Variants in NOTCH2 observed in about 807,000 individuals in gnomAD.
The protein encoded by NOTCH2 is notch receptor 2, also known as neurogenic locus notch homolog protein 2.
NOTCH2 carries 29 observed loss-of-function variants against 235.8 expected under a neutral mutation model. The observed-to-expected ratio is 0.12, with a 90% CI of 0.09 to 0.17. NOTCH2 has a LOEUF of 0.17. Ranked by LOEUF, NOTCH2 falls within the 10% of genes least tolerant of loss-of-function variation. The pLI is 1.00. For missense variants in NOTCH2, 2,285 were observed against 3,150.2 expected (o/e 0.73, Z 6.57); for synonymous variants, 1,086 against 1,141.5 (o/e 0.95, Z 0.98).
chr1:119,953,547 A>T lies in NOTCH2; in HGVS notation c.2361T>A (p.Phe787Leu). The change falls in exon 14 of 34, where the codon TTT becomes TTA. Residue 787 changes from phenylalanine (F) to leucine (L), a missense_variant. Physicochemically the swap from Phe to Leu is conservative, Grantham distance 22. Around this residue, in one of 6 missense-constraint regions of NOTCH2, gnomAD observed 1,173 missense variants for 1,515.3 expected, o/e 0.77. Transcript: ENST00000256646. Reference protein sequence around the residue: ...NGYRCTCKKGFKGYNCQVNID... With the variant: ...NGYRCTCKKGLKGYNCQVNID... ...AAGATGTACTTTTGTTTTCACCTTT[A>T]AAGCCCTTCTTGCAAGTACACCTGT... 1 of 1,614,140 alleles carries T rather than the reference A, an allele frequency of 6.2e-7. No homozygotes were observed.
intron 17 of NOTCH2, 120 bp downstream of exon 17, chr1:119,948,294 G>C (rs587641514): frequency 3.8e-6 from 4 of 1,042,020 alleles, no homozygotes; most frequent in East Asian, 4.8e-5. Flanking sequence ...AAATATGCTG[G>C]ATAAATGACC....
intron 23 of NOTCH2, among the ~76,000 whole-genome samples, chr1:119,927,489 G>C (rs1353112454): frequency 6.6e-6 from 1 of 152,132 alleles, no homozygotes; most frequent in African/African-American, 2.4e-5. Flanking sequence ...CTCTGCAACA[G>C]CATCCCACAA....
intron 1 of NOTCH2, among the ~76,000 whole-genome samples, chr1:120,064,153 G>A (rs1553216674): frequency 1.3e-5 from 2 of 151,816 alleles, no homozygotes; most frequent in African/African-American, 4.8e-5. Context: ...CTGAATATAA[G>A]AAGATCTTTC....
intron 5 of NOTCH2, among the ~76,000 whole-genome samples, chr1:119,983,422 G>C (rs1553201892): frequency 6.6e-6 from 1 of 151,970 alleles, no homozygotes; most frequent in African/African-American, 2.4e-5. Context: ...CAAAGTGCTG[G>C]GATTAGAGGC....
intron 15 of NOTCH2, 39 bp from the exon 16 acceptor site, chr1:119,949,165 G>GT: frequency 6.2e-7 from 1 of 1,612,902 alleles, no homozygotes; most frequent in Non-Finnish European, 8.5e-7. Flanking sequence ...AGATAAACAG[G>GT]TAAGAAAACG....
Position 120,035,455 on chromosome 1 carries a change from T to G in NOTCH2, c.74-5468A>C, listed in dbSNP as rs587719422. Among the ~76,000 whole-genome samples the G allele has an allele frequency of 1.7e-3, 253 of 152,238 alleles. 2 individuals carry two copies. Among genetic ancestry groups the G allele is most frequent in the African/African-American group, 5.8e-3 (241 of 41,504 alleles). ...CCTGCCCAGTATTACTCCCCACCAC[T>G]TCCACTGCATTCTCTGCCCAGTTTA... On this transcript the variant is annotated intron_variant, in intron 1 of 33. Coordinates refer to ENST00000256646, the MANE Select transcript of NOTCH2 (RefSeq NM_024408.4).
chr1:119,915,584 C>G lies in NOTCH2; in HGVS notation c.7138G>C (p.Val2380Leu). The G allele has an allele frequency of 6.2e-7, 1 of 1,614,004 alleles. No individual in the cohort carries two copies. The highest frequency in any genetic ancestry group is 8.5e-7 in the Non-Finnish European group (1 of 1,180,034). ...LPAYHPFPAS[V>L]GKYPTPPSQH... ...GAAGGGGGTGTGGGGTACTTGCCCA[C>G]AGAGGCTGGGAAAGGATGATAGGCT... The change falls in exon 34 of 34, where the codon GTG becomes CTG. Residue 2380 changes from valine (V) to leucine (L), a missense_variant. This residue lies in a region of NOTCH2 where 504 missense variants were observed against 538.0 expected (regional missense o/e 0.94). Transcript: ENST00000256646.
chr1:119,959,500 C>T lies in NOTCH2; in HGVS notation c.1918G>A (p.Val640Ile), dbSNP rs782463006. The T allele has an allele frequency of 2.6e-6, 4 of 1,554,208 alleles. No individual in the cohort carries two copies. In the African/African-American group the frequency reaches 4.1e-5, roughly 16 times the overall value. The change falls in exon 12 of 34, where the codon GTT becomes ATT. Residue 640 changes from valine (V) to isoleucine (I), a missense_variant and splice_region_variant. This residue lies in a region of NOTCH2 where 431 missense variants were observed against 757.8 expected (regional missense o/e 0.57). Transcript: ENST00000256646. ...QCNCQPGTSG[V>I]NCEINFDDCA... ...TCATCAAAATTAATTTCACAATTAA[C>T]CCCTGGAAGAGAAAACCCAACGGAA...
Position 120,023,979 on chromosome 1 carries a change from TA to T in NOTCH2, c.155+5926del, listed in dbSNP as rs1557851039. On this transcript the variant is annotated intron_variant, in intron 2 of 33. Coordinates refer to ENST00000256646, the MANE Select transcript of NOTCH2 (RefSeq NM_024408.4). The stretch of plus-strand genomic sequence containing the variant: ...ATGCAATAAATAACTCTTGAATTAA[TA>T]AAACCTGAACACATTACATTTTAAG... Among the ~76,000 whole-genome samples, 4 of 152,116 alleles carry T rather than the reference TA, an allele frequency of 2.6e-5. No individual in the cohort carries two copies. The South Asian group carries it at 8.3e-4, about 32-fold the overall frequency.
intron 25 of NOTCH2, among the ~76,000 whole-genome samples, chr1:119,925,058 G>A (rs1270669692): frequency 6.6e-6 from 1 of 152,200 alleles, no homozygotes; most frequent in African/African-American, 2.4e-5. Context: ...TATCCCCCAG[G>A]AGGTCACGAA....
At chr1:120,037,168 G>A (rs1412809621) in intron 1 of NOTCH2, among the ~76,000 whole-genome samples, 2 of 152,068 alleles carry the variant, frequency 1.3e-5, no homozygotes, top group Non-Finnish European at 2.9e-5. Context: ...TAGACCCACT[G>A]CTCAATCGGA....
chr1:119,957,844 A>C (rs1397124728), intron 12 of NOTCH2, among the ~76,000 whole-genome samples: 1 of 144,534 alleles, frequency 6.9e-6, no homozygotes, highest in African/African-American at 2.5e-5. Flanking sequence ...ACACACACAC[A>C]CACACACACA....
intron 11 of NOTCH2, 80 bp from the exon 12 acceptor site, chr1:119,959,582 G>T (rs1650859186): frequency 3.7e-6 from 3 of 820,074 alleles, no homozygotes; most frequent in Non-Finnish European, 6.4e-6. Context: ...GCAGCAACGT[G>T]GTAAGAAATC....
At chr1:119,937,782 AT>A (rs1553195937) in intron 20 of NOTCH2, 74 bp downstream of exon 20, 1 of 1,570,030 alleles carries the variant, frequency 6.4e-7, no homozygotes, top group African/African-American at 1.4e-5. Context: ...CCACAAAAAA[AT>A]GATACCTTCT....
intron 2 of NOTCH2, among the ~76,000 whole-genome samples, chr1:120,017,857 C>T (rs587613852): frequency 4.6e-5 from 7 of 151,484 alleles, no homozygotes; most frequent in Admixed American, 2.0e-4. Flanking sequence ...AGTCTTTCAT[C>T]GGTTGTTGAT....
intron 1 of NOTCH2, among the ~76,000 whole-genome samples, chr1:120,037,700 A>T (rs1464562132): frequency 6.6e-6 from 1 of 151,904 alleles, no homozygotes; most frequent in African/African-American, 2.4e-5. Context: ...AAAAGCAATA[A>T]GAGATAAATC....
rs782165725 is a variant in NOTCH2, at chr1:119,940,588, G to A, written c.3150C>T (p.Ser1050=). Residue 1050 remains serine, a synonymous_variant, in exon 19 of 34, where the codon AGC becomes AGT. Coordinates refer to ENST00000256646, the MANE Select transcript of NOTCH2 (RefSeq NM_024408.4). ...TTTTCCCAGTGTAGCCCAGGGGGCA[G>A]CTGCAGCGGTAGGTACCCAGGCCAT... ...CVDGLGTYRC[S]CPLGYTGKNC... 9 of 1,614,038 alleles carry A rather than the reference G, an allele frequency of 5.6e-6. No individual in the cohort carries two copies. The highest frequency in any genetic ancestry group is 7.6e-6 in the Non-Finnish European group (9 of 1,179,962).
At chr1:119,959,303 G>A (rs1348515385) in intron 12 of NOTCH2, 89 bp downstream of exon 12, 19 of 798,628 alleles carry the variant, frequency 2.4e-5, no homozygotes, top group Non-Finnish European at 4.1e-5. Context: ...AAAGAAATAG[G>A]AAACACTTGA....
At chr1:120,027,575 G>A (rs1192145814) in intron 2 of NOTCH2, among the ~76,000 whole-genome samples, 3 of 151,294 alleles carry the variant, frequency 2.0e-5, no homozygotes, top group African/African-American at 7.3e-5. Flanking sequence ...CGTCATCCAG[G>A]TTTTAAGCCC....
Sources: gnomAD v4.1 joint callset for allele counts (sites outside exome capture counted in the v4.1 genomes callset) on GRCh38, gnomAD v4.1.1 for gene constraint, gnomAD v4.1.1 regional missense constraint, MANE v1.5 for transcripts, NCBI Gene and HGNC (gene_info 2026-07-23, HGNC 2026-07-21) for gene names.